GNB1: variants seen among roughly 807,000 people sequenced by gnomAD.
The protein encoded by GNB1 is guanine nucleotide-binding protein G(I)/G(S)/G(T) subunit beta-1.
GNB1 carries 2 observed loss-of-function variants against 42.9 expected under a neutral mutation model. That is an observed-to-expected ratio of 0.05 (90% confidence interval 0.02 to 0.15). The LOEUF (loss-of-function observed/expected upper bound fraction) is 0.15. Ranked by LOEUF, GNB1 falls within the 10% of genes least tolerant of loss-of-function variation. The probability of loss-of-function intolerance (pLI) is 1.00; values close to 1 mark genes in which losing one functional copy is unlikely to be tolerated. For synonymous variants in GNB1, 183 were observed against 174.7 expected, an observed-to-expected ratio of 1.05 and a Z score of -0.38; for missense variants, 193 against 462.2, an observed-to-expected ratio of 0.42 and a Z score of 5.34.
rs527723065 is a variant in GNB1 at position 1,870,799 on chromosome 1, G to A, written c.-96+20021C>T. Among the ~76,000 whole-genome samples the A allele has an allele frequency of 2.1e-3, 327 of 152,184 alleles. 2 individuals are homozygous for A. Among genetic ancestry groups the A allele is most frequent in the African/African-American group, 7.3e-3 (305 of 41,502 alleles). The stretch of plus-strand genomic sequence containing the variant: ...AAAATGCAAAATAAATTAGCTGGGC[G>A]TGGTGGCACACACCTGTCATCCCAG... On this transcript the variant is annotated intron_variant, in intron 1 of 11. Coordinates refer to ENST00000378609, the MANE Select transcript of GNB1 (RefSeq NM_002074.5).
At chr1:1,844,385 C>G (rs569521511) in intron 1 of GNB1, among the ~76,000 whole-genome samples, 1 of 62,258 alleles carries the variant, frequency 1.6e-5, no homozygotes, top group Admixed American at 2.1e-4. Flanking sequence ...AGTGAGACTC[C>G]GTCTCCAAAA....
At chr1:1,872,799 C>T (rs1426662741) in intron 1 of GNB1, among the ~76,000 whole-genome samples, 6 of 152,206 alleles carry the variant, frequency 3.9e-5, no homozygotes, top group Non-Finnish European at 8.8e-5. Context: ...AGAGAATGAA[C>T]CACCAGTTGC....
At chr1:1,822,544 T>C (rs894157699) in intron 3 of GNB1, among the ~76,000 whole-genome samples, 12 of 152,240 alleles carry the variant, frequency 7.9e-5, no homozygotes, top group Non-Finnish European at 1.6e-4. Context: ...ATCGATCTCC[T>C]GACCTTGTGA....
In GNB1 at chr1:1,787,400, C is replaced by A; in HGVS notation, c.954G>T (p.Leu318=). The change falls in exon 11 of 12, where the codon CTG becomes CTT. Residue 318 remains leucine (L), a synonymous_variant. Transcript: ENST00000378609. The surrounding 1 kb of genome is among the most constrained non-coding windows in gnomAD (Gnocchi z 4.4). ...LAGHDNRVSC[L]GVTDDGMAVA... ...CAGCCATGCCATCGTCAGTCACGCC[C>A]AGGCAGCTGACGCGGTTGTCATGCC... 6.2e-7 allele frequency: 1 copy of A among 1,613,738 alleles called. No individual in the cohort carries two copies. The highest frequency in any genetic ancestry group is 1.1e-5 in the South Asian group (1 of 91,046).
At chr1:1,861,680 G>A (rs1359858557) in intron 1 of GNB1, among the ~76,000 whole-genome samples, 1 of 152,006 alleles carries the variant, frequency 6.6e-6, no homozygotes, top group Non-Finnish European at 1.5e-5. Context: ...CAACCCTGAA[G>A]GAGGCTTCAA....
At chr1:1,863,064 C>G (rs754790103) in intron 1 of GNB1, among the ~76,000 whole-genome samples, 1 of 152,202 alleles carries the variant, frequency 6.6e-6, no homozygotes, top group Non-Finnish European at 1.5e-5. Context: ...ACTGTGGACA[C>G]TGGGGTCATC....
At chr1:1,830,451 C>T (rs563606020) in intron 2 of GNB1, among the ~76,000 whole-genome samples, 6 of 151,612 alleles carry the variant, frequency 4.0e-5, no homozygotes, top group Non-Finnish European at 5.9e-5. Flanking sequence ...TTAGTAGGGA[C>T]GGGGTTTCAC....
intron 2 of GNB1, among the ~76,000 whole-genome samples, chr1:1,829,220 C>A (rs1364119257): frequency 6.6e-6 from 1 of 152,054 alleles, no homozygotes; most frequent in East Asian, 1.9e-4. Context: ...CCACGCTTGG[C>A]TAGTTTTTGT....
At chr1:1,882,492 T>C (rs1649907325) in intron 1 of GNB1, among the ~76,000 whole-genome samples, 1 of 149,532 alleles carries the variant, frequency 6.7e-6, no homozygotes, top group South Asian at 2.1e-4. Flanking sequence ...CAAATCACCA[T>C]TACAGTTTTT....
intron 2 of GNB1, among the ~76,000 whole-genome samples, chr1:1,838,015 C>A (rs757410204): frequency 6.6e-6 from 1 of 151,280 alleles, no homozygotes. Context: ...CCAGCCTGAC[C>A]AACATGGTGA....
At chr1:1,792,271 C>G (rs974237344) in intron 8 of GNB1, among the ~76,000 whole-genome samples, 1 of 152,042 alleles carries the variant, frequency 6.6e-6, no homozygotes, top group Non-Finnish European at 1.5e-5. Context: ...GCTCATTGTT[C>G]ACAATGACAT....
At chr1:1,875,090 G>A (rs1388815795) in intron 1 of GNB1, among the ~76,000 whole-genome samples, 1 of 152,164 alleles carries the variant, frequency 6.6e-6, no homozygotes, top group African/African-American at 2.4e-5. Flanking sequence ...AGCTCAGGTG[G>A]GAATGCTCGC....
At chr1:1,890,167 G>A (rs982647811) in intron 1 of GNB1, among the ~76,000 whole-genome samples, 1 of 152,174 alleles carries the variant, frequency 6.6e-6, no homozygotes, top group Non-Finnish European at 1.5e-5. Flanking sequence ...CAGGAGAAGG[G>A]CGAGGCCACA....
At chr1:1,844,168 C>A (rs1647486505) in intron 1 of GNB1, among the ~76,000 whole-genome samples, 1 of 151,268 alleles carries the variant, frequency 6.6e-6, no homozygotes, top group Non-Finnish European at 1.5e-5. Flanking sequence ...GCACTCCAGC[C>A]TGGGTGACAG....
intron 4 of GNB1, among the ~76,000 whole-genome samples, chr1:1,816,447 A>G (rs1557899372): frequency 1.3e-5 from 2 of 152,240 alleles, no homozygotes; most frequent in Non-Finnish European, 1.5e-5. Context: ...GACAGTCCAA[A>G]GTGCTTCTCA....
intron 1 of GNB1, among the ~76,000 whole-genome samples, chr1:1,883,793 T>C (rs1192834384): frequency 6.6e-6 from 1 of 152,226 alleles, no homozygotes; most frequent in Non-Finnish European, 1.5e-5. Context: ...AATCAGCCAG[T>C]GAGGCAACAG....
chr1:1,855,477 G>A (rs898131722), intron 1 of GNB1, among the ~76,000 whole-genome samples: 7 of 152,086 alleles, frequency 4.6e-5, no homozygotes, highest in Admixed American at 6.6e-5. Context: ...CGAGGCGGGC[G>A]GATCACAAGG....
chr1:1,847,216 A>C (rs1042463026), intron 1 of GNB1, among the ~76,000 whole-genome samples: 1 of 152,180 alleles, frequency 6.6e-6, no homozygotes, highest in Non-Finnish European at 1.5e-5. Flanking sequence ...TTATCTACAA[A>C]GCTGCTAACC....
chr1:1,811,564 C>T (rs888632827), intron 5 of GNB1, among the ~76,000 whole-genome samples: 34 of 151,174 alleles, frequency 2.2e-4, no homozygotes, highest in African/African-American at 6.8e-4. Context: ...GGCGTGGTGG[C>T]GGGTGCCTGT....
Sources: gnomAD v4.1 joint callset for allele counts (sites outside exome capture counted in the v4.1 genomes callset) on GRCh38, gnomAD v4.1.1 for gene constraint, Gnocchi (gnomAD v3.1) non-coding constraint, MANE v1.5 for transcripts, NCBI Gene and HGNC (gene_info 2026-07-23, HGNC 2026-07-21) for gene names.